EXOC2: variants seen among roughly 807,000 people sequenced by gnomAD.
EXOC2 encodes the protein exocyst complex component 2.
EXOC2 carries 70 observed loss-of-function variants against 131.8 expected under a neutral mutation model. That is an observed-to-expected ratio of 0.53 (90% CI 0.44 to 0.65). The LOEUF is 0.65. Ranked by LOEUF, EXOC2 falls within the 30% of genes least tolerant of loss-of-function variation. EXOC2 has a pLI of 0.00. For synonymous variants in EXOC2, 411 were observed against 398.4 expected (o/e 1.03, Z -0.38); for missense variants, 923 against 1,108.6 (o/e 0.83, Z 2.38).
chr6:568,160 T>C (rs1267867746), intron 13 of EXOC2, among the ~76,000 whole-genome samples: 1 of 152,194 alleles, frequency 6.6e-6, no homozygotes, highest in Admixed American at 6.5e-5. Flanking sequence ...GAAACATTAC[T>C]CTAGGTGTGT....
intron 1 of EXOC2, chr6:669,728 T>C (rs989260210): frequency 2.0e-5 from 3 of 152,394 alleles, no homozygotes; most frequent in Non-Finnish European, 4.4e-5. Context: ...TTCACAGTGA[T>C]GGTGTGGCCC....
intron 25 of EXOC2, among the ~76,000 whole-genome samples, chr6:496,414 C>A (rs1382940019): frequency 6.6e-6 from 1 of 152,194 alleles, no homozygotes; most frequent in African/African-American, 2.4e-5. Context: ...GGCTCTTGGG[C>A]AGCATCCAAT....
At chr6:629,734 T>C (rs2127701242) in intron 4 of EXOC2, 101 bp downstream of exon 4, 2 of 1,433,384 alleles carry the variant, frequency 1.4e-6, no homozygotes, top group Non-Finnish European at 1.9e-6. Context: ...TTCAACTGTG[T>C]TTCCTGGGAT....
intron 11 of EXOC2, among the ~76,000 whole-genome samples, chr6:585,407 G>A (rs558482998): frequency 6.6e-6 from 1 of 152,224 alleles, no homozygotes; most frequent in African/African-American, 2.4e-5. Context: ...TACTCCGAAG[G>A]GCACCATCTG....
chr6:550,826 A>T (rs1044664888), intron 21 of EXOC2, among the ~76,000 whole-genome samples: 6 of 152,200 alleles, frequency 3.9e-5, no homozygotes, highest in African/African-American at 1.4e-4. Flanking sequence ...CTGGTTGCTC[A>T]GTTTTGAAAA....
At chr6:578,761 C>G (rs902657723) in intron 11 of EXOC2, among the ~76,000 whole-genome samples, 2 of 151,718 alleles carry the variant, frequency 1.3e-5, no homozygotes, top group Non-Finnish European at 2.9e-5. Context: ...CACTGTGTTA[C>G]CAAAAAAATG....
chr6:494,880 G>A (rs978579130), intron 25 of EXOC2, among the ~76,000 whole-genome samples: 1 of 151,934 alleles, frequency 6.6e-6, no homozygotes, highest in Non-Finnish European at 1.5e-5. Flanking sequence ...AATTGACTAC[G>A]AACATTCTTA....
At chr6:525,269 G>C (rs1765681398) in intron 23 of EXOC2, 1 of 152,210 alleles carries the variant, frequency 6.6e-6, no homozygotes, top group Non-Finnish European at 1.5e-5. Flanking sequence ...CTTTCTAAGT[G>C]TAAGATAGTG....
intron 7 of EXOC2, among the ~76,000 whole-genome samples, chr6:602,803 A>C (rs1337278889): frequency 6.6e-6 from 1 of 152,226 alleles, no homozygotes; most frequent in Admixed American, 6.5e-5. Context: ...CCACCAGTGT[A>C]GTCGGGTCTG....
intron 1 of EXOC2, among the ~76,000 whole-genome samples, chr6:659,078 A>G (rs1213139042): frequency 6.6e-6 from 1 of 152,196 alleles, no homozygotes. Flanking sequence ...AGTATCTTGA[A>G]GTCAGTCAAG....
intron 2 of EXOC2, among the ~76,000 whole-genome samples, chr6:637,342 G>A (rs1468123022): frequency 1.3e-5 from 2 of 152,120 alleles, no homozygotes; most frequent in Non-Finnish European, 2.9e-5. Flanking sequence ...AATTCACACA[G>A]CCCCTGAGAA....
chr6:533,479 T>C (rs945780677), intron 22 of EXOC2, among the ~76,000 whole-genome samples: 1 of 152,056 alleles, frequency 6.6e-6, no homozygotes, highest in African/African-American at 2.4e-5. Context: ...GGTCAGGCCT[T>C]CGAGTCTAAG....
At chr6:653,021 T>C (rs184864061) in intron 1 of EXOC2, among the ~76,000 whole-genome samples, 1 of 152,332 alleles carries the variant, frequency 6.6e-6, no homozygotes, top group East Asian at 1.9e-4. Context: ...TGAGTGTTCT[T>C]TGATGATACT....
At chr6:691,224 C>A (rs550132701) in intron 1 of EXOC2, among the ~76,000 whole-genome samples, 1 of 152,278 alleles carries the variant, frequency 6.6e-6, no homozygotes, top group African/African-American at 2.4e-5. Flanking sequence ...TAATGGGCTC[C>A]CAAGAACTTA....
intron 1 of EXOC2, among the ~76,000 whole-genome samples, chr6:689,439 C>T (rs892080028): frequency 1.4e-4 from 21 of 152,294 alleles, no homozygotes; most frequent in Admixed American, 1.0e-3. Flanking sequence ...GGCACTCCAC[C>T]CATAATCCAA....
intron 23 of EXOC2, among the ~76,000 whole-genome samples, chr6:509,140 C>T (rs999080955): frequency 2.0e-5 from 3 of 152,220 alleles, no homozygotes; most frequent in Admixed American, 6.5e-5. Flanking sequence ...TCAGTGCATA[C>T]GTATCTACCT....
intron 11 of EXOC2, among the ~76,000 whole-genome samples, chr6:584,811 T>C (rs1183769291): frequency 6.6e-6 from 1 of 152,252 alleles, no homozygotes; most frequent in African/African-American, 2.4e-5. Flanking sequence ...ATTAAGTGCA[T>C]CTCTGAAAGA....
intron 23 of EXOC2, among the ~76,000 whole-genome samples, chr6:508,313 C>T (rs1764674084): frequency 1.3e-5 from 2 of 152,144 alleles, no homozygotes; most frequent in Non-Finnish European, 2.9e-5. Flanking sequence ...TCATTATTAC[C>T]CAAATTCCAC....
intron 6 of EXOC2, among the ~76,000 whole-genome samples, chr6:613,913 A>G (rs904534426): frequency 3.3e-5 from 5 of 151,904 alleles, no homozygotes; most frequent in African/African-American, 1.2e-4. Flanking sequence ...ATAAAATAAT[A>G]AAAAATAAAA....
Sources: gnomAD v4.1 joint callset for allele counts (sites outside exome capture counted in the v4.1 genomes callset) on GRCh38, gnomAD v4.1.1 for gene constraint, MANE v1.5 for transcripts, NCBI Gene and HGNC (gene_info 2026-07-23, HGNC 2026-07-21) for gene names.